The following TRPM3 variants were observed in gnomAD, a reference collection of about 807,000 sequenced individuals.
The protein encoded by TRPM3 is long transient receptor potential channel 3.
TRPM3 carries 77 observed loss-of-function variants against 181.2 expected under a neutral mutation model. The observed-to-expected ratio is 0.42, with a 90% CI of 0.35 to 0.51. The LOEUF (loss-of-function observed/expected upper bound fraction) is 0.51. Ranked by LOEUF, TRPM3 falls within the 20% of genes least tolerant of loss-of-function variation. The pLI is 0.01. For synonymous variants in TRPM3, 745 were observed against 796.4 expected (o/e 0.94, Z 1.09); for missense variants, 1,759 against 2,196.7 (o/e 0.80, Z 3.98).
intron 6 of TRPM3, among the ~76,000 whole-genome samples, chr9:70,821,840 C>T (rs1352096032): frequency 6.6e-6 from 1 of 152,130 alleles, no homozygotes; most frequent in Non-Finnish European, 1.5e-5. Context: ...AGGTAAAATC[C>T]CAGATTGATG....
intron 1 of TRPM3, among the ~76,000 whole-genome samples, chr9:71,294,726 C>T (rs1265441001): frequency 2.0e-5 from 3 of 152,116 alleles, no homozygotes; most frequent in African/African-American, 7.2e-5. Flanking sequence ...AAACCCTAAG[C>T]TCAGATATTC....
intron 1 of TRPM3, among the ~76,000 whole-genome samples, chr9:71,249,354 A>G (rs2082208521): frequency 6.6e-6 from 1 of 152,216 alleles, no homozygotes; most frequent in South Asian, 2.1e-4. Context: ...GTGATTGTAT[A>G]TTCTTATCAT....
intron 6 of TRPM3, chr9:70,824,820 GT>G (rs954508312): frequency 6.6e-6 from 1 of 152,204 alleles, no homozygotes; most frequent in African/African-American, 2.4e-5. Context: ...TGCATTAAAG[GT>G]TTGTATTCTT....
At chr9:70,553,478 T>C (rs1379069656) in intron 22 of TRPM3, among the ~76,000 whole-genome samples, 168 bp from the exon 23 acceptor site, 4 of 152,132 alleles carry the variant, frequency 2.6e-5, no homozygotes, top group African/African-American at 9.7e-5. Context: ...TTCATGAATA[T>C]CTCAAGGGGC....
intron 8 of TRPM3, among the ~76,000 whole-genome samples, chr9:70,748,032 G>A (rs907145559): frequency 2.0e-5 from 3 of 152,104 alleles, no homozygotes; most frequent in Admixed American, 6.6e-5. Flanking sequence ...TTTTAGAGTG[G>A]TGAGGAAGAA....
chr9:71,032,214 A>G (rs2057615395), intron 1 of TRPM3, among the ~76,000 whole-genome samples: 1 of 116,780 alleles, frequency 8.6e-6, no homozygotes, highest in Non-Finnish European at 1.8e-5. Context: ...ATATATAGCA[A>G]GCTAATAGGA....
chr9:71,265,042 T>G (rs2083293954), intron 1 of TRPM3, among the ~76,000 whole-genome samples: 2 of 152,186 alleles, frequency 1.3e-5, no homozygotes, highest in South Asian at 2.1e-4. Flanking sequence ...GATATCTTTA[T>G]AAGTATGAAA....
chr9:71,221,315 A>C (rs1504398), intron 1 of TRPM3, among the ~76,000 whole-genome samples: 77,365 of 152,014 alleles, frequency 0.51, 19,850 homozygotes, highest in Middle Eastern at 0.53. Context: ...ATCCTACAGC[A>C]GAACTGTGCA....
intron 6 of TRPM3, chr9:70,793,563 C>T (rs1408242520): frequency 2.1e-6 from 1 of 466,790 alleles, no homozygotes; most frequent in Non-Finnish European, 4.4e-6. Flanking sequence ...ATATATATAC[C>T]CCTTTATGTA....
At chr9:71,216,182 T>C (rs1231240891) in intron 1 of TRPM3, among the ~76,000 whole-genome samples, 3 of 152,222 alleles carry the variant, frequency 2.0e-5, no homozygotes, top group Non-Finnish European at 4.4e-5. Context: ...TGTGAGTTTA[T>C]TAAAAGCAAG....
chr9:71,320,511 G>A (rs1174375493), intron 1 of TRPM3, among the ~76,000 whole-genome samples: 1 of 152,020 alleles, frequency 6.6e-6, no homozygotes, highest in African/African-American at 2.4e-5. Flanking sequence ...TCTGTACACT[G>A]TTCTTCATTT....
intron 1 of TRPM3, among the ~76,000 whole-genome samples, chr9:71,037,148 T>A (rs963473749): frequency 3.3e-5 from 5 of 152,256 alleles, no homozygotes; most frequent in African/African-American, 1.2e-4. Flanking sequence ...CTTTTAGGGT[T>A]ATTAATTGAG....
chr9:71,299,274 T>C (rs1222193295), intron 1 of TRPM3, among the ~76,000 whole-genome samples: 1 of 152,192 alleles, frequency 6.6e-6, no homozygotes, highest in Non-Finnish European at 1.5e-5. Context: ...TTGATTGAGA[T>C]GAACAAAATC....
intron 22 of TRPM3, among the ~76,000 whole-genome samples, chr9:70,568,626 A>G (rs1050455629): frequency 6.6e-5 from 10 of 152,274 alleles, no homozygotes; most frequent in African/African-American, 2.4e-4. Flanking sequence ...GCCATTTTAC[A>G]GATGAGTAAA....
intron 7 of TRPM3, among the ~76,000 whole-genome samples, chr9:70,767,496 C>A (rs1304200328): frequency 1.3e-5 from 2 of 152,170 alleles, no homozygotes; most frequent in Non-Finnish European, 2.9e-5. Flanking sequence ...TTATGTAAAA[C>A]AGCACTTATT....
intron 1 of TRPM3, among the ~76,000 whole-genome samples, chr9:71,127,990 T>G (rs2074148906): frequency 6.6e-6 from 1 of 152,234 alleles, no homozygotes; most frequent in African/African-American, 2.4e-5. Context: ...AACTTATTAC[T>G]ACCAATATTG....
intron 1 of TRPM3, among the ~76,000 whole-genome samples, chr9:71,271,978 T>A (rs1452017392): frequency 6.6e-6 from 1 of 152,238 alleles, no homozygotes; most frequent in African/African-American, 2.4e-5. Flanking sequence ...GCACCACTTA[T>A]CCGATCCTTG....
chr9:70,973,440 T>A (rs1305583821), intron 1 of TRPM3, among the ~76,000 whole-genome samples: 1 of 152,220 alleles, frequency 6.6e-6, no homozygotes, highest in African/African-American at 2.4e-5. Flanking sequence ...TATACCAATA[T>A]AGGAAAGTTA....
At chr9:71,091,530 C>T (rs181043129) in intron 1 of TRPM3, among the ~76,000 whole-genome samples, 20 of 152,102 alleles carry the variant, frequency 1.3e-4, no homozygotes, top group Admixed American at 8.5e-4. Context: ...GAGTTGTTGC[C>T]GTTACCTTGA....
Sources: allele counts gnomAD v4.1 joint callset (sites outside exome capture counted in the v4.1 genomes callset), GRCh38; gene constraint gnomAD v4.1.1; transcripts MANE v1.5; gene names NCBI Gene and HGNC (gene_info 2026-07-23, HGNC 2026-07-21).